Variants in TAFA4 observed in about 807,000 individuals in gnomAD.
TAFA4 encodes the protein TAFA chemokine like family member 4, also known as chemokine-like protein TAFA-4.
TAFA4 carries 20 observed loss-of-function variants against 21.1 expected under a neutral mutation model. That is an observed-to-expected ratio of 0.95 (90% CI 0.67 to 1.38). The LOEUF is 1.38. Among genes scored for constraint, TAFA4 ranks in the 40% most tolerant of loss-of-function variants. The pLI, the probability that TAFA4 is intolerant of heterozygous loss-of-function variation, is 0.00. For synonymous variants in TAFA4, 71 were observed against 67.4 expected, an observed-to-expected ratio of 1.05 and a Z score of -0.26; for missense variants, 211 against 180.9, an observed-to-expected ratio of 1.17 and a Z score of -0.95.
chr3:68,733,119 A>G lies in TAFA4; in HGVS notation c.*23T>C, dbSNP rs771283213. 1 of 1,613,140 alleles carries G rather than the reference A, an allele frequency of 6.2e-7. No individual in the cohort carries two copies. The highest frequency in any genetic ancestry group is 1.1e-5 in the South Asian group (1 of 90,970). The stretch of plus-strand genomic sequence containing the variant: ...CTCCGCCTCCTGCTGCCCCTCCAGG[A>G]TTGAAGCACACCTCTCTCTTCGCTA... On this transcript the variant is annotated 3_prime_UTR_variant, in exon 6 of 6. Coordinates refer to ENST00000295569, the MANE Select transcript of TAFA4 (RefSeq NM_182522.5).
At chr3:68,750,959 A>C (rs187175531) in intron 4 of TAFA4, among the ~76,000 whole-genome samples, 75 of 152,306 alleles carry the variant, frequency 4.9e-4, no homozygotes, top group African/African-American at 1.7e-3. Context: ...TACTAACTGG[A>C]AGGCATACGT....
At chr3:68,904,802 G>A (rs1465388692) in intron 1 of TAFA4, among the ~76,000 whole-genome samples, 1 of 152,178 alleles carries the variant, frequency 6.6e-6, no homozygotes, top group Non-Finnish European at 1.5e-5. Context: ...TTAACTTCCA[G>A]GTTAATGGCA....
intron 3 of TAFA4, among the ~76,000 whole-genome samples, chr3:68,782,080 A>C (rs780329697): frequency 6.6e-6 from 1 of 152,244 alleles, no homozygotes; most frequent in Non-Finnish European, 1.5e-5. Flanking sequence ...AAAATGGGAG[A>C]AAATATCTGG....
intron 5 of TAFA4, among the ~76,000 whole-genome samples, chr3:68,735,739 C>A (rs912445632): frequency 2.0e-5 from 3 of 151,946 alleles, no homozygotes; most frequent in Non-Finnish European, 2.9e-5. Flanking sequence ...ACAATAGAAA[C>A]TTTGAAAAAC....
At chr3:68,854,095 A>G (rs1425617104) in intron 3 of TAFA4, among the ~76,000 whole-genome samples, 1 of 152,188 alleles carries the variant, frequency 6.6e-6, no homozygotes, top group Non-Finnish European at 1.5e-5. Flanking sequence ...ATCAAGAATT[A>G]TAAAGCAGGA....
chr3:68,748,578 C>A (rs1429941400), intron 4 of TAFA4, among the ~76,000 whole-genome samples: 1 of 152,082 alleles, frequency 6.6e-6, no homozygotes, highest in African/African-American at 2.4e-5. Flanking sequence ...CCCGTCTCTA[C>A]TAAAAATACA....
chr3:68,929,266 A>G (rs2090137997), intron 1 of TAFA4, among the ~76,000 whole-genome samples: 1 of 152,228 alleles, frequency 6.6e-6, no homozygotes, highest in South Asian at 2.1e-4. Flanking sequence ...GCTTTCAGAA[A>G]TAACATTTTC....
At chr3:68,887,855 T>C (rs116049566) in intron 1 of TAFA4, among the ~76,000 whole-genome samples, 2,658 of 152,244 alleles carry the variant, frequency 0.017, 70 homozygotes, top group African/African-American at 0.061. Flanking sequence ...ATTTTCTCAT[T>C]GTCTTGAACA....
At chr3:68,763,537 C>CA (rs1328351335) in intron 3 of TAFA4, among the ~76,000 whole-genome samples, 1 of 152,028 alleles carries the variant, frequency 6.6e-6, no homozygotes, top group East Asian at 1.9e-4. Flanking sequence ...TTCAATGGGT[C>CA]AAAAATCAAC....
chr3:68,904,880 A>C (rs1255288746), intron 1 of TAFA4, among the ~76,000 whole-genome samples: 1 of 152,154 alleles, frequency 6.6e-6, no homozygotes, highest in African/African-American at 2.4e-5. Flanking sequence ...GAAGGTGGCA[A>C]GAGAATTGGT....
chr3:68,753,131 G>A lies in TAFA4; in HGVS notation c.131-113C>T, dbSNP rs1304828568. 13 of 895,370 alleles carry A rather than the reference G, an allele frequency of 1.5e-5. 1 individual carries two copies. The East Asian group carries it at 3.4e-4, about 23-fold the overall frequency. 55.5% of individuals were successfully genotyped at this position (895,370 alleles called of 1,614,324 possible). A position where few individuals can be genotyped will look rare whatever the true frequency, so the allele number is the denominator to read the frequency against. On this transcript the variant is annotated intron_variant, in intron 3 of 5. Transcript: ENST00000295569. ...TTCCAACTTCCTGTGCTATGCTTAT[G>A]AGTCTTTGTAACATTTTATTTTGAT...
intron 3 of TAFA4, among the ~76,000 whole-genome samples, chr3:68,860,311 C>A (rs1022244963): frequency 6.6e-6 from 1 of 152,090 alleles, no homozygotes; most frequent in African/African-American, 2.4e-5. Context: ...ATATCAAGTG[C>A]ACTATTGTCA....
At chr3:68,794,171 G>A (rs772196612) in intron 3 of TAFA4, among the ~76,000 whole-genome samples, 2 of 152,170 alleles carry the variant, frequency 1.3e-5, no homozygotes, top group Non-Finnish European at 2.9e-5. Flanking sequence ...TGAGAACATG[G>A]AATTCATGTT....
intron 3 of TAFA4, among the ~76,000 whole-genome samples, chr3:68,760,408 T>C (rs1702738934): frequency 6.6e-6 from 1 of 152,228 alleles, no homozygotes; most frequent in African/African-American, 2.4e-5. Context: ...CTGAAACTAC[T>C]TGAAAGCTAA....
chr3:68,772,684 G>C (rs180873229), intron 3 of TAFA4, among the ~76,000 whole-genome samples: 110 of 152,294 alleles, frequency 7.2e-4, no homozygotes, highest in African/African-American at 2.6e-3. Context: ...TAGAGGGTTG[G>C]AACTTCCAGT....
chr3:68,845,740 C>T (rs1704774793), intron 3 of TAFA4, among the ~76,000 whole-genome samples: 1 of 152,132 alleles, frequency 6.6e-6, no homozygotes, highest in Admixed American at 6.5e-5. Context: ...TCAGCATTTG[C>T]TTGTCTGTAA....
intron 3 of TAFA4, among the ~76,000 whole-genome samples, chr3:68,848,023 T>C (rs1420624355): frequency 6.6e-6 from 1 of 152,258 alleles, no homozygotes; most frequent in African/African-American, 2.4e-5. Context: ...TTGTAGCATT[T>C]ACTATATCCA....
intron 1 of TAFA4, among the ~76,000 whole-genome samples, chr3:68,891,823 C>A (rs995731807): frequency 1.3e-5 from 2 of 152,284 alleles, no homozygotes; most frequent in East Asian, 3.9e-4. Flanking sequence ...TAAAACCATT[C>A]ATCATTTCTC....
chr3:68,775,647 A>C (rs1703034835), intron 3 of TAFA4, among the ~76,000 whole-genome samples: 1 of 152,180 alleles, frequency 6.6e-6, no homozygotes, highest in Admixed American at 6.5e-5. Context: ...AGGAAATCTT[A>C]AAAATGTACT....
Sources: gnomAD v4.1 joint callset for allele counts (sites outside exome capture counted in the v4.1 genomes callset) on GRCh38, gnomAD v4.1.1 for gene constraint, MANE v1.5 for transcripts, NCBI Gene and HGNC (gene_info 2026-07-23, HGNC 2026-07-21) for gene names.